Variants in ADRA1B observed in about 807,000 individuals in gnomAD.
ADRA1B encodes the protein adrenoceptor alpha 1B.
A neutral mutation model predicts 17.9 loss-of-function variants in ADRA1B; 17 were observed. That is an observed-to-expected ratio of 0.95 (90% CI 0.65 to 1.42). The LOEUF (loss-of-function observed/expected upper bound fraction) is 1.42, where lower values mean the gene tolerates loss of function less well. Among genes scored for constraint, ADRA1B ranks in the 40% most tolerant of loss-of-function variants. The pLI is 0.00. For synonymous variants in ADRA1B, 366 were observed against 327.6 expected, an observed-to-expected ratio of 1.12 and a Z score of -1.27; for missense variants, 681 against 722.1, an observed-to-expected ratio of 0.94 and a Z score of 0.65.
chr5:159,932,465 T>A (rs1171992034), intron 1 of ADRA1B, among the ~76,000 whole-genome samples: 1 of 152,138 alleles, frequency 6.6e-6, no homozygotes, highest in Non-Finnish European at 1.5e-5. Flanking sequence ...GCCTTTCCCA[T>A]CTTTTTAATG....
In ADRA1B at chr5:159,917,390, C is replaced by G; in HGVS notation, c.485C>G (p.Ala162Gly). 6.2e-7 allele frequency: 1 copy of G among 1,614,138 alleles called. No homozygotes were observed. Among genetic ancestry groups the G allele is most frequent in the Non-Finnish European group, 8.5e-7 (1 of 1,180,026 alleles). ...QYPTLVTRRKAILALLSVWVL... is the reference protein window; with the variant it reads ...QYPTLVTRRKGILALLSVWVL... ...CCCACGCTGGTCACCCGGAGGAAGGCCATCTTGGCGCTGCTCAGTGTCTGG... is the reference window on the plus strand; with the variant it reads ...CCCACGCTGGTCACCCGGAGGAAGGGCATCTTGGCGCTGCTCAGTGTCTGG... The change falls in exon 1 of 2, where the codon GCC becomes GGC. Residue 162 changes from alanine (A) to glycine (G), a missense_variant. By Grantham distance (60) the Ala-to-Gly change is moderately conservative. Transcript: ENST00000306675.
chr5:159,882,873 GGA>G (rs1189759763), intron 1 of ADRA1B, among the ~76,000 whole-genome samples: 1 of 152,008 alleles, frequency 6.6e-6, no homozygotes, highest in Non-Finnish European at 1.5e-5. Context: ...AGAGAGAGAG[GGA>G]GAGAGAGAGA....
intron 1 of ADRA1B, among the ~76,000 whole-genome samples, chr5:159,878,795 A>G (rs1268734114): frequency 6.6e-6 from 1 of 152,230 alleles, no homozygotes; most frequent in Non-Finnish European, 1.5e-5. Flanking sequence ...CTCAAGAACC[A>G]GAACTGTGGG....
At chr5:159,882,459 G>A (rs1039879787) in intron 1 of ADRA1B, among the ~76,000 whole-genome samples, 2 of 152,206 alleles carry the variant, frequency 1.3e-5, no homozygotes, top group Admixed American at 1.3e-4. Context: ...CAGAGAGGTA[G>A]AGCAACTTGC....
At chr5:159,875,972 T>C (rs1753797684) in intron 1 of ADRA1B, among the ~76,000 whole-genome samples, 1 of 152,168 alleles carries the variant, frequency 6.6e-6, no homozygotes, top group African/African-American at 2.4e-5. Flanking sequence ...GCGGATCACT[T>C]GAGGTCAGGA....
At chr5:159,947,416 A>G (rs1755305823) in intron 1 of ADRA1B, among the ~76,000 whole-genome samples, 1 of 152,188 alleles carries the variant, frequency 6.6e-6, no homozygotes. Flanking sequence ...AGGGCTCATA[A>G]GTGGCAGAGC....
chr5:159,948,220 T>C lies in ADRA1B; in HGVS notation c.950-23659T>C, dbSNP rs1376223925. The C allele has an allele frequency of 5.1e-6, 5 of 985,338 alleles. No homozygotes were observed. The African/African-American group carries it at 8.7e-5, about 17-fold the overall frequency. The allele number at this position is 985,338 out of a possible 1,614,324, so 61.0% of individuals were successfully genotyped here. On this transcript the variant is annotated intron_variant, in intron 1 of 1. Coordinates refer to ENST00000306675, the MANE Select transcript of ADRA1B (RefSeq NM_000679.4). ...GACAACAGGGCTTCTGGAGTCCTCC[T>C]GCATTACAGCACAGATTATTTTGTG...
chr5:159,972,315 C>A lies in ADRA1B; in HGVS notation c.1386C>A (p.Pro462=). Residue 462 remains proline (P), a synonymous_variant, in exon 2 of 2, where the codon CCC becomes CCA. Transcript: ENST00000306675. The part of the protein sequence containing the change: ...ALLSLPAPEP[P]GRRGRHDSGP... Reference sequence around the variant, plus strand: ...TGAGCCTGCCCGCGCCTGAGCCCCCCGGCCGCCGCGGCCGCCACGACTCGG... The same window carrying A: ...TGAGCCTGCCCGCGCCTGAGCCCCCAGGCCGCCGCGGCCGCCACGACTCGG... 2 of 1,432,916 alleles carry A rather than the reference C, an allele frequency of 1.4e-6. No individual in the cohort carries two copies. The highest frequency in any genetic ancestry group is 1.8e-6 in the Non-Finnish European group (2 of 1,098,258). 88.8% of individuals were successfully genotyped at this position (1,432,916 alleles called of 1,614,324 possible).
intron 1 of ADRA1B, among the ~76,000 whole-genome samples, chr5:159,866,325 C>G (rs940215676): frequency 6.8e-6 from 1 of 147,442 alleles, no homozygotes; most frequent in Non-Finnish European, 1.5e-5. Context: ...ATGCACCGGG[C>G]ACAGTGGCTC....
chr5:159,871,073 G>A (rs1276620111), intron 1 of ADRA1B: 2 of 152,230 alleles, frequency 1.3e-5, no homozygotes, highest in Non-Finnish European at 2.9e-5. Flanking sequence ...GCAACCTGCA[G>A]GGCAGCACTC....
chr5:159,882,003 A>G (rs1384573015), intron 1 of ADRA1B, among the ~76,000 whole-genome samples: 1 of 152,166 alleles, frequency 6.6e-6, no homozygotes, highest in African/African-American at 2.4e-5. Context: ...CATCTTGTCA[A>G]TGATCCTAGC....
intron 1 of ADRA1B, among the ~76,000 whole-genome samples, chr5:159,935,250 C>CA (rs1254502053): frequency 2.0e-5 from 3 of 152,030 alleles, no homozygotes; most frequent in Admixed American, 2.0e-4. Context: ...TTCACATGGT[C>CA]AAAAATATCA....
intron 1 of ADRA1B, among the ~76,000 whole-genome samples, chr5:159,927,869 G>A (rs1050011334): frequency 6.6e-6 from 1 of 152,096 alleles, no homozygotes; most frequent in Non-Finnish European, 1.5e-5. Flanking sequence ...CATGATGAGA[G>A]AGCAAAGCCA....
At chr5:159,884,692 C>T (rs1226101651) in intron 1 of ADRA1B, among the ~76,000 whole-genome samples, 1 of 152,172 alleles carries the variant, frequency 6.6e-6, no homozygotes, top group Non-Finnish European at 1.5e-5. Context: ...CACACTGGTT[C>T]TTCTTTGAAA....
chr5:159,945,747 T>TG (rs35272890), intron 1 of ADRA1B, among the ~76,000 whole-genome samples: 16,758 of 143,268 alleles, frequency 0.12, 1,171 homozygotes, highest in Non-Finnish European at 0.16. Flanking sequence ...TTTTTTTGTT[T>TG]GTTTGTTTTT....
intron 1 of ADRA1B, among the ~76,000 whole-genome samples, chr5:159,930,957 A>G (rs930664866): frequency 6.7e-6 from 1 of 148,532 alleles, no homozygotes; most frequent in African/African-American, 2.4e-5. Context: ...TGTTGTTCTT[A>G]GTCATTTTCA....
At chr5:159,868,835 A>G (rs573923213) in intron 1 of ADRA1B, 1 of 152,308 alleles carries the variant, frequency 6.6e-6, no homozygotes, top group Non-Finnish European at 1.5e-5. Flanking sequence ...GACCACAGTC[A>G]ATATACTGAA....
the ADRA1B span, among the ~76,000 whole-genome samples, chr5:159,979,971 G>A: frequency 1.3e-5 from 2 of 152,092 alleles, no homozygotes; most frequent in Admixed American, 6.5e-5. Flanking sequence ...AAGGAAGCCA[G>A]AGGCAGATCA....
the ADRA1B span, among the ~76,000 whole-genome samples, chr5:159,985,901 G>T: frequency 6.6e-6 from 1 of 152,204 alleles, no homozygotes; most frequent in Non-Finnish European, 1.5e-5. Flanking sequence ...TGCAACTTTG[G>T]GAGGGCTGGG....
Sources: allele counts gnomAD v4.1 joint callset (sites outside exome capture counted in the v4.1 genomes callset), GRCh38; gene constraint gnomAD v4.1.1; transcripts MANE v1.5; gene names NCBI Gene and HGNC (gene_info 2026-07-23, HGNC 2026-07-21).